ZNF708: variants seen among roughly 807,000 people sequenced by gnomAD.
The protein encoded by ZNF708 is ZNF15, ZNF15L1.
In ZNF708, 44 loss-of-function variants were observed where a neutral mutation model predicts 47.0. That is an observed-to-expected ratio of 0.94 (90% CI 0.74 to 1.20). ZNF708 has a LOEUF of 1.20. Ranked by LOEUF, ZNF708 falls within the 50% of genes most tolerant of loss-of-function variation. The pLI is 0.00. For missense variants in ZNF708, 557 were observed against 656.0 expected (o/e 0.85, Z 1.65); for synonymous variants, 184 against 218.5 (o/e 0.84, Z 1.39).
chr19:21,301,047 A>G (rs1436641367), intron 3 of ZNF708, among the ~76,000 whole-genome samples: 1 of 152,220 alleles, frequency 6.6e-6, no homozygotes, highest in East Asian at 1.9e-4. Context: ...TAACTCAAAA[A>G]TATAAAATTG....
At chr19:21,326,024 C>T (rs1159291989) in intron 1 of ZNF708, among the ~76,000 whole-genome samples, 2 of 152,202 alleles carry the variant, frequency 1.3e-5, no homozygotes, top group Admixed American at 6.5e-5. Flanking sequence ...TACCACCTTA[C>T]TCCTGCAAGA....
In ZNF708 at chr19:21,292,971, GATTT is replaced by G. The variant is rs1335813298; in HGVS notation, c.*299_*302del. 2 of 261,976 alleles carry G rather than the reference GATTT, an allele frequency of 7.6e-6. No individual in the cohort carries two copies. The highest frequency in any genetic ancestry group is 6.5e-5 in the South Asian group (1 of 15,276). The allele number at this position is 261,976 out of a possible 1,614,324, so 16.2% of individuals were successfully genotyped here. ...CATTTTTAAAGTTCCTCACCAGTAT[GATTT>G]ATTTTATGTTTAGAAAAGTTTGAGG... is the stretch of plus-strand genomic sequence containing the variant. On this transcript the variant is annotated 3_prime_UTR_variant, in exon 4 of 4. Transcript: ENST00000356929.
In ZNF708 at chr19:21,293,889, A is replaced by G. The variant is rs1972460009; in HGVS notation, c.1077T>C (p.Thr359=). ...STLTKHKIIH[T]EEKPYKCEEC... ...CTTCACATTTGTAGGGTTTCTCTTC[A>G]GTATGAATTATCTTATGTTTAGTAA... Residue 359 remains threonine (T), a synonymous_variant, in exon 4 of 4, where the codon ACT becomes ACC. Coordinates refer to ENST00000356929, the MANE Select transcript of ZNF708 (RefSeq NM_021269.3). 8.1e-6 allele frequency: 13 copies of G among 1,613,536 alleles called. No homozygotes were observed. In the East Asian group the frequency reaches 2.9e-4, roughly 36 times the overall value.
At chr19:21,311,788 G>T (rs939506715) in intron 1 of ZNF708, among the ~76,000 whole-genome samples, 10 of 152,040 alleles carry the variant, frequency 6.6e-5, no homozygotes, top group African/African-American at 2.4e-4. Context: ...CATTTTTCCT[G>T]TCCTCAGGTG....
chr19:21,319,598 GAGCCACCACGCCC>G (rs1324456884), intron 1 of ZNF708, among the ~76,000 whole-genome samples: 1 of 152,012 alleles, frequency 6.6e-6, no homozygotes, highest in Non-Finnish European at 1.5e-5. Flanking sequence ...TTACAGGTAT[GAGCCACCACGCCC>G]AGCTAATTTT....
chr19:21,310,674 A>G lies in ZNF708; in HGVS notation c.4-47T>C, dbSNP rs116292941. On this transcript the variant is annotated intron_variant, in intron 1 of 3. Coordinates refer to ENST00000356929, the MANE Select transcript of ZNF708 (RefSeq NM_021269.3). ...ACATATTTACCAAGTGGTTATGGAC[A>G]GAATTTTTAATTTGACTCAAGGTGA... The G allele has an allele frequency of 5.5e-4, 759 of 1,375,530 alleles. 4 individuals carry two copies. The African/African-American group carries it at 0.01, about 18-fold the overall frequency. 85.2% of individuals were successfully genotyped at this position (1,375,530 alleles called of 1,614,324 possible). A position where few individuals can be genotyped will look rare whatever the true frequency, so the allele number is the denominator to read the frequency against.
rs1972424022 is a variant in ZNF708, at chr19:21,292,872, G to A, written c.*402C>T. On this transcript the variant is annotated 3_prime_UTR_variant, in exon 4 of 4. Coordinates refer to ENST00000356929, the MANE Select transcript of ZNF708 (RefSeq NM_021269.3). ...TTTGCCACATTCTTCACACTTGTAA[G>A]AGTTTTTCTAGTAAGAATTATCTTA... 1.1e-5 allele frequency: 2 copies of A among 189,040 alleles called. No homozygotes were observed. Among genetic ancestry groups the A allele is most frequent in the Non-Finnish European group, 2.2e-5 (2 of 90,462 alleles). 11.7% of individuals were successfully genotyped at this position (189,040 alleles called of 1,614,324 possible). A position where few individuals can be genotyped will look rare whatever the true frequency, so the allele number is the denominator to read the frequency against.
Position 21,293,977 on chromosome 19 carries a change from T to G in ZNF708, c.989A>C (p.His330Pro). The G allele has an allele frequency of 1.2e-6, 2 of 1,613,034 alleles. No individual in the cohort carries two copies. The highest frequency in any genetic ancestry group is 1.1e-5 in the South Asian group (1 of 91,056). ...SSHLTTHKRI[H>P]TGEKPYKCEE... ...ACATTTGTAGGGTTTCTCACCAGTA[T>G]GAATCCTCTTATGTGTAGTAAGGTG... The change falls in exon 4 of 4, where the codon CAT becomes CCT. Residue 330 changes from histidine to proline, a missense_variant. Coordinates refer to ENST00000356929, the MANE Select transcript of ZNF708 (RefSeq NM_021269.3).
chr19:21,315,567 G>A (rs1252830839), intron 1 of ZNF708, among the ~76,000 whole-genome samples: 2 of 152,192 alleles, frequency 1.3e-5, no homozygotes, highest in African/African-American at 4.8e-5. Context: ...GGCCAAACTT[G>A]AGGATTGTAA....
chr19:21,328,854 C>T (rs1307894376), intron 1 of ZNF708, among the ~76,000 whole-genome samples: 2 of 152,308 alleles, frequency 1.3e-5, no homozygotes, highest in Non-Finnish European at 2.9e-5. Context: ...ACCCCACAGA[C>T]CAAAGCTCTT....
At chr19:21,317,727 C>T (rs1599686673) in intron 1 of ZNF708, among the ~76,000 whole-genome samples, 2 of 152,158 alleles carry the variant, frequency 1.3e-5, no homozygotes, top group East Asian at 1.9e-4. Context: ...GTCCACAAGT[C>T]GAAGAATTTA....
At position 21,294,150 on chromosome 19, in the gene ZNF708, T is replaced by C. The variant is rs1282065235; in HGVS notation, c.816A>G (p.Ile272Met). ...NRSSNLTKHK[I>M]VHTGEKPYKC... ...TGTAGGGTTTCTCTCCAGTATGAAC[T>C]ATCTTATGTTTAGTAAGGTTTGAGG... The change falls in exon 4 of 4, where the codon ATA (isoleucine) becomes ATG (methionine). Residue 272 changes from isoleucine to methionine, a missense_variant. Physicochemically the swap from Ile to Met is conservative, Grantham distance 10. Coordinates refer to ENST00000356929, the MANE Select transcript of ZNF708 (RefSeq NM_021269.3). 1 of 1,612,482 alleles carries C rather than the reference T, an allele frequency of 6.2e-7. No individual in the cohort carries two copies. The highest frequency in any genetic ancestry group is 8.5e-7 in the Non-Finnish European group (1 of 1,179,584).
chr19:21,317,047 G>A (rs1207615069), intron 1 of ZNF708, among the ~76,000 whole-genome samples: 2 of 151,436 alleles, frequency 1.3e-5, no homozygotes, highest in African/African-American at 2.4e-5. Context: ...TGGGCCTCCC[G>A]AAGTGCTGGG....
At chr19:21,296,624 CTGAAAGGAGT>C (rs1452145848) in intron 3 of ZNF708, among the ~76,000 whole-genome samples, 3 of 152,040 alleles carry the variant, frequency 2.0e-5, no homozygotes, top group African/African-American at 7.2e-5. Flanking sequence ...ACCAAAGATG[CTGAAAGGAGT>C]TCATCCCACT....
chr19:21,313,067 A>C (rs1358282067), intron 1 of ZNF708, among the ~76,000 whole-genome samples: 1 of 151,206 alleles, frequency 6.6e-6, no homozygotes, highest in Non-Finnish European at 1.5e-5. Context: ...ACTTGAGATC[A>C]GGAGTTCAAG....
chr19:21,306,582 T>C (rs977845535), intron 3 of ZNF708, among the ~76,000 whole-genome samples: 9 of 152,254 alleles, frequency 5.9e-5, no homozygotes, highest in Admixed American at 4.6e-4. Flanking sequence ...AATCTGTTGA[T>C]AATGCAATGA....
intron 3 of ZNF708, 92 bp downstream of exon 3, chr19:21,309,154 C>T: frequency 1.6e-6 from 2 of 1,243,932 alleles, no homozygotes; most frequent in East Asian, 3.1e-5. Flanking sequence ...AACTTTGGAA[C>T]ACAGATTTCC....
rs370116634 is a variant in ZNF708 at position 21,310,607 on chromosome 19, A to G, written c.24T>C (p.Asp8=). Residue 8 remains aspartate (D), a synonymous_variant, in exon 2 of 4, where the codon GAT becomes GAC. Coordinates refer to ENST00000356929, the MANE Select transcript of ZNF708 (RefSeq NM_021269.3). MGPLTFM[D]VAIEFSLEEW... is the part of the protein sequence containing the mutation. Reference sequence around the variant, plus strand: ...CCTCCAGAGAGAATTCTATGGCCACATCCATAAATGTCAATGGTCCCTGAA... The same window carrying G: ...CCTCCAGAGAGAATTCTATGGCCACGTCCATAAATGTCAATGGTCCCTGAA... 1.9e-6 allele frequency: 3 copies of G among 1,543,516 alleles called. No homozygotes were observed. Among genetic ancestry groups the G allele is most frequent in the Non-Finnish European group, 2.6e-6 (3 of 1,144,342 alleles).
intron 1 of ZNF708, among the ~76,000 whole-genome samples, chr19:21,317,932 GCTAT>G (rs1319606787): frequency 1.3e-5 from 2 of 152,226 alleles, no homozygotes; most frequent in Non-Finnish European, 2.9e-5. Flanking sequence ...TGAATAGGGT[GCTAT>G]CTTTTTGGTT....
Sources: gnomAD v4.1 joint callset for allele counts (sites outside exome capture counted in the v4.1 genomes callset) on GRCh38, gnomAD v4.1.1 for gene constraint, MANE v1.5 for transcripts, NCBI Gene and HGNC (gene_info 2026-07-23, HGNC 2026-07-21) for gene names.